Variants in TAF1B observed in about 807,000 individuals in gnomAD.
TAF1B encodes the protein TATA-box binding protein associated factor, RNA polymerase I subunit B, also known as TATA box-binding protein-associated factor RNA polymerase I subunit B.
In TAF1B, 61 loss-of-function variants were observed where a neutral mutation model predicts 83.9. The ratio of observed to expected loss-of-function variants is 0.73; its 90% CI spans 0.59 to 0.90. TAF1B has a LOEUF of 0.90. TAF1B is among the 40% of genes least tolerant of loss of function. The probability of loss-of-function intolerance (pLI) is 0.00; values close to 1 mark genes in which losing one functional copy is unlikely to be tolerated. For synonymous variants in TAF1B, 221 were observed against 224.6 expected, an observed-to-expected ratio of 0.98 and a Z score of 0.14; for missense variants, 625 against 677.0, an observed-to-expected ratio of 0.92 and a Z score of 0.85.
At chr2:9,871,689 G>A (rs1664171916) in intron 6 of TAF1B, among the ~76,000 whole-genome samples, 1 of 152,094 alleles carries the variant, frequency 6.6e-6, no homozygotes, top group South Asian at 2.1e-4. Flanking sequence ...CTGCTTGCAA[G>A]GTTATTTTCT....
intron 14 of TAF1B, among the ~76,000 whole-genome samples, chr2:9,921,641 T>G (rs1665882926): frequency 6.6e-6 from 1 of 152,240 alleles, no homozygotes; most frequent in South Asian, 2.1e-4. Flanking sequence ...CCCACTTTCC[T>G]TCTGTAGTGT....
chr2:9,848,645 G>A (rs1663285030), intron 2 of TAF1B, among the ~76,000 whole-genome samples: 1 of 150,130 alleles, frequency 6.7e-6, no homozygotes, highest in Non-Finnish European at 1.5e-5. Flanking sequence ...CAGCCTGGGC[G>A]ACGAGAGCGA....
intron 6 of TAF1B, 39 bp downstream of exon 6, chr2:9,868,468 G>A (rs769116468): frequency 6.3e-7 from 1 of 1,585,856 alleles, no homozygotes; most frequent in African/African-American, 1.4e-5. Flanking sequence ...TTTTAAAGCT[G>A]TTATGCCCCT....
chr2:9,893,372 A>C (rs1664928031), intron 8 of TAF1B, among the ~76,000 whole-genome samples: 1 of 152,184 alleles, frequency 6.6e-6, no homozygotes, highest in Non-Finnish European at 1.5e-5. Context: ...TGAAAAAATA[A>C]GCCAAACAAA....
chr2:9,911,606 A>G (rs1665536190), intron 11 of TAF1B, 49 bp downstream of exon 11: 1 of 1,330,422 alleles, frequency 7.5e-7, no homozygotes. Flanking sequence ...TAGATGATAG[A>G]TTAAAAGATG....
intron 7 of TAF1B, among the ~76,000 whole-genome samples, chr2:9,876,740 A>G (rs747104676): frequency 5.3e-5 from 8 of 152,206 alleles, no homozygotes; most frequent in Non-Finnish European, 1.0e-4. Flanking sequence ...CTTATTTATT[A>G]TATGACCTTG....
At position 9,904,995 on chromosome 2, in the gene TAF1B, T is replaced by C. The variant is rs903458724; in HGVS notation, c.944T>C (p.Val315Ala). 2.5e-6 allele frequency: 4 copies of C among 1,612,100 alleles called. No homozygotes were observed. Among genetic ancestry groups the C allele is most frequent in the Non-Finnish European group, 3.4e-6 (4 of 1,178,390 alleles). Residue 315 changes from valine (V) to alanine (A), a missense_variant, in exon 9 of 15, where the codon GTC becomes GCC. Val to Ala is a moderately conservative substitution (Grantham distance 64, BLOSUM62 0). Transcript: ENST00000263663. ...CTGTGTATGAAATACTTGATGGAAG[T>C]CAACCTCCCTGGTAAGTGTGTGACA... ...NILCMKYLMEVNLPDEMHSLT... is the reference protein window; with the variant it reads ...NILCMKYLMEANLPDEMHSLT...
intron 3 of TAF1B, among the ~76,000 whole-genome samples, chr2:9,850,014 A>T (rs971146696): frequency 1.2e-4 from 13 of 106,142 alleles, no homozygotes; most frequent in African/African-American, 2.8e-4. Context: ...CACATTAAAA[A>T]ATATATATAT....
intron 8 of TAF1B, among the ~76,000 whole-genome samples, chr2:9,896,699 G>T (rs1665031102): frequency 7.2e-6 from 1 of 139,264 alleles, no homozygotes; most frequent in Non-Finnish European, 1.5e-5. Context: ...CCATTAAGTT[G>T]TTCTGTTAGT....
intron 8 of TAF1B, among the ~76,000 whole-genome samples, chr2:9,884,963 T>C (rs1450753856): frequency 1.3e-5 from 2 of 152,254 alleles, no homozygotes; most frequent in Non-Finnish European, 2.9e-5. Flanking sequence ...TAAAATGTTA[T>C]GGTATGTTCC....
Position 9,875,846 on chromosome 2 carries a change from T to C in TAF1B, c.554-19T>C, listed in dbSNP as rs1467421148. 6.5e-7 allele frequency: 1 copy of C among 1,545,674 alleles called. No individual in the cohort carries two copies. Among genetic ancestry groups the C allele is most frequent in the Admixed American group, 1.9e-5 (1 of 52,662 alleles). Reference sequence around the variant, plus strand: ...AAATAGTTCACTGGATTTTTAAAAATCTCCATTTATCTCCTAAGAAACGTC... The same window carrying C: ...AAATAGTTCACTGGATTTTTAAAAACCTCCATTTATCTCCTAAGAAACGTC... On this transcript the variant is annotated intron_variant, in intron 6 of 14. Coordinates refer to ENST00000263663, the MANE Select transcript of TAF1B (RefSeq NM_005680.3).
intron 11 of TAF1B, among the ~76,000 whole-genome samples, chr2:9,912,730 T>C (rs1222100939): frequency 2.0e-5 from 3 of 152,160 alleles, no homozygotes; most frequent in Non-Finnish European, 4.4e-5. Context: ...GATGGGGAGA[T>C]TGAGGTTTAG....
At chr2:9,903,453 G>C (rs1057255607) in intron 8 of TAF1B, among the ~76,000 whole-genome samples, 1 of 152,108 alleles carries the variant, frequency 6.6e-6, no homozygotes, top group Non-Finnish European at 1.5e-5. Flanking sequence ...TTAATATTAG[G>C]AATGTTTATA....
intron 7 of TAF1B, among the ~76,000 whole-genome samples, chr2:9,882,057 T>C (rs1341995830): frequency 1.3e-5 from 2 of 151,612 alleles, no homozygotes; most frequent in East Asian, 3.9e-4. Flanking sequence ...GGGAATGCCA[T>C]GTTGGAAAGC....
intron 14 of TAF1B, among the ~76,000 whole-genome samples, chr2:9,925,406 C>T (rs1666005912): frequency 6.6e-6 from 1 of 151,948 alleles, no homozygotes; most frequent in African/African-American, 2.4e-5. Flanking sequence ...TGCCACTGCA[C>T]TCCAGCCTGG....
rs75358335 is a variant in TAF1B at position 9,887,574 on chromosome 2, G to A, written c.807+4769G>A. Among the ~76,000 whole-genome samples, 1,447 of 151,768 alleles carry A rather than the reference G, an allele frequency of 9.5e-3. 32 individuals are homozygous for A. Among genetic ancestry groups the A allele is most frequent in the African/African-American group, 0.029 (1,213 of 41,386 alleles). ...AGTTTTTTTTATTGATGTTTGCACA[G>A]CATATCTTTTTCCAATCTTTTATTT... On this transcript the variant is annotated intron_variant, in intron 8 of 14. Transcript: ENST00000263663.
At chr2:9,906,938 C>T (rs973429478) in intron 9 of TAF1B, among the ~76,000 whole-genome samples, 2 of 152,092 alleles carry the variant, frequency 1.3e-5, no homozygotes, top group Non-Finnish European at 2.9e-5. Flanking sequence ...AGTGCAGTGG[C>T]GTGATTGTAG....
At chr2:9,919,521 C>T (rs1300523126) in intron 13 of TAF1B, 77 bp from the exon 14 acceptor site, 1 of 1,284,034 alleles carries the variant, frequency 7.8e-7, no homozygotes, top group East Asian at 2.3e-5. Flanking sequence ...TGGTACATTC[C>T]TATCAAGTAA....
intron 2 of TAF1B, among the ~76,000 whole-genome samples, chr2:9,848,752 C>CA (rs1430023926): frequency 2.6e-5 from 4 of 151,832 alleles, no homozygotes; most frequent in Non-Finnish European, 4.4e-5. Flanking sequence ...AAAAAAGACT[C>CA]AACACTTTAT....
Sources: allele counts gnomAD v4.1 joint callset (sites outside exome capture counted in the v4.1 genomes callset), GRCh38; gene constraint gnomAD v4.1.1; transcripts MANE v1.5; gene names NCBI Gene and HGNC (gene_info 2026-07-23, HGNC 2026-07-21).